The following PDGFD variants were observed in gnomAD, a reference collection of about 807,000 sequenced individuals.
PDGFD encodes platelet derived growth factor D.
A neutral mutation model predicts 44.7 loss-of-function variants in PDGFD; 30 were observed. The ratio of observed to expected loss-of-function variants is 0.67; its 90% confidence interval spans 0.50 to 0.91. The LOEUF (loss-of-function observed/expected upper bound fraction) is 0.91. Among genes scored for constraint, PDGFD ranks in the 40% least tolerant of loss-of-function variants. The pLI is 0.00. For synonymous variants in PDGFD, 173 were observed against 168.4 expected (o/e 1.03, Z -0.21); for missense variants, 445 against 457.8 (o/e 0.97, Z 0.25).
chr11:104,109,088 C>T (rs111762203), intron 1 of PDGFD, among the ~76,000 whole-genome samples: 14,566 of 149,548 alleles, frequency 0.097, 868 homozygotes, highest in East Asian at 0.3. Flanking sequence ...CATTAGGAGA[C>T]ATACCTAATG....
chr11:104,135,146 T>C (rs1007032840), intron 1 of PDGFD, among the ~76,000 whole-genome samples: 1 of 5,814 alleles, frequency 1.7e-4, no homozygotes, highest in Non-Finnish European at 3.0e-4. Flanking sequence ...GGTGTTAATA[T>C]AATAACATTT....
chr11:104,053,896 G>C (rs759737047), intron 1 of PDGFD, among the ~76,000 whole-genome samples: 10 of 152,200 alleles, frequency 6.6e-5, no homozygotes, highest in Admixed American at 2.0e-4. Context: ...CCACAAAACA[G>C]AGATAAGAGA....
At chr11:103,979,898 C>T (rs985097838) in intron 3 of PDGFD, among the ~76,000 whole-genome samples, 1 of 152,076 alleles carries the variant, frequency 6.6e-6, no homozygotes, top group Non-Finnish European at 1.5e-5. Context: ...ATTGTTTATT[C>T]TAACTAATTG....
intron 1 of PDGFD, among the ~76,000 whole-genome samples, chr11:104,093,028 C>A (rs1261168858): frequency 1.3e-5 from 2 of 152,162 alleles, no homozygotes; most frequent in African/African-American, 4.8e-5. Context: ...TTGCATGGTT[C>A]TTTTCCCACT....
At chr11:103,960,614 CTT>C in intron 3 of PDGFD, among the ~76,000 whole-genome samples, 1 of 152,176 alleles carries the variant, frequency 6.6e-6, no homozygotes, top group East Asian at 1.9e-4. Context: ...ATGTCCTACT[CTT>C]GTCATTCCTT....
chr11:104,071,817 G>A (rs1860882031), intron 1 of PDGFD, among the ~76,000 whole-genome samples: 1 of 151,252 alleles, frequency 6.6e-6, no homozygotes, highest in Admixed American at 6.6e-5. Context: ...ACTTTGTCCG[G>A]TGGTTTCAAC....
chr11:104,090,488 G>T (rs911490333), intron 1 of PDGFD, among the ~76,000 whole-genome samples: 1 of 151,592 alleles, frequency 6.6e-6, no homozygotes, highest in Non-Finnish European at 1.5e-5. Context: ...AATCAGCCAG[G>T]TGCGGTGGTG....
chr11:104,094,127 A>AATT (rs34614123), intron 1 of PDGFD, among the ~76,000 whole-genome samples: 115,910 of 151,334 alleles, frequency 0.77, 44,516 homozygotes, highest in East Asian at 0.98. Context: ...TTGCCTCTTA[A>AATT]ACCAGCCCTC....
chr11:104,134,833 AC>A (rs1448260706), intron 1 of PDGFD, among the ~76,000 whole-genome samples: 1 of 152,180 alleles, frequency 6.6e-6, no homozygotes, highest in Non-Finnish European at 1.5e-5. Context: ...CTCCTTTCTG[AC>A]TGCCTCTTCC....
chr11:104,044,826 C>G (rs1344255401), intron 1 of PDGFD, among the ~76,000 whole-genome samples: 8 of 152,130 alleles, frequency 5.3e-5, no homozygotes, highest in Non-Finnish European at 7.3e-5. Context: ...ATCACGAGGT[C>G]AGAAGATGGA....
At chr11:104,122,111 T>C (rs1472940439) in intron 1 of PDGFD, among the ~76,000 whole-genome samples, 1 of 151,944 alleles carries the variant, frequency 6.6e-6, no homozygotes, top group Admixed American at 6.6e-5. Context: ...CAAGAAATTA[T>C]TTTTTTCTAA....
chr11:104,118,630 A>G (rs1169196094), intron 1 of PDGFD, among the ~76,000 whole-genome samples: 2 of 148,830 alleles, frequency 1.3e-5, no homozygotes, highest in African/African-American at 5.0e-5. Flanking sequence ...GCAAGTGTCT[A>G]ATCATTGATA....
chr11:104,114,879 G>GTT (rs113492620), intron 1 of PDGFD, among the ~76,000 whole-genome samples: 1 of 142,328 alleles, frequency 7.0e-6, no homozygotes, highest in Non-Finnish European at 1.5e-5. Flanking sequence ...ACATTTTTAG[G>GTT]TTTTTTTTTT....
chr11:104,067,461 T>C (rs1242278702), intron 1 of PDGFD, among the ~76,000 whole-genome samples: 1 of 152,184 alleles, frequency 6.6e-6, no homozygotes, highest in Non-Finnish European at 1.5e-5. Context: ...ACTTCAAATT[T>C]GAAAATCTTT....
intron 4 of PDGFD, among the ~76,000 whole-genome samples, chr11:103,946,783 A>G (rs1164408209): frequency 3.9e-5 from 6 of 152,230 alleles, no homozygotes; most frequent in Admixed American, 2.0e-4. Context: ...TGATCAGATG[A>G]GGTTCTAGTC....
intron 3 of PDGFD, among the ~76,000 whole-genome samples, chr11:103,978,702 G>C (rs748681267): frequency 7.2e-5 from 11 of 151,994 alleles, no homozygotes; most frequent in Non-Finnish European, 1.5e-4. Flanking sequence ...TGTAGATTTG[G>C]CAAAATATAG....
Position 104,151,339 on chromosome 11 carries a change from G to A in PDGFD, c.124+12465C>T, listed in dbSNP as rs534971699. ...TTACACACGCATGCAAGCTGGATGC[G>A]TAAATAGTACAAAGTAGTAAAACAG... On this transcript the variant is annotated intron_variant, in intron 1 of 6. Coordinates refer to ENST00000393158, the MANE Select transcript of PDGFD (RefSeq NM_025208.5). 3.0e-4 allele frequency among the ~76,000 whole-genome samples: 46 copies of A among 152,128 alleles called. 1 individual carries two copies. The highest frequency in any genetic ancestry group is 1.2e-3 in the South Asian group (6 of 4,812).
intron 1 of PDGFD, among the ~76,000 whole-genome samples, chr11:104,133,693 G>A (rs752841301): frequency 7.2e-5 from 11 of 152,102 alleles, no homozygotes; most frequent in East Asian, 1.9e-4. Flanking sequence ...AGTCACTAAC[G>A]TTTACTGAAA....
intron 1 of PDGFD, among the ~76,000 whole-genome samples, chr11:104,103,227 A>C (rs943958574): frequency 1.3e-5 from 2 of 152,142 alleles, no homozygotes; most frequent in South Asian, 2.1e-4. Flanking sequence ...TTAATACGTG[A>C]AGTACTGAGG....
Sources: gnomAD v4.1 joint callset for allele counts (sites outside exome capture counted in the v4.1 genomes callset) on GRCh38, gnomAD v4.1.1 for gene constraint, MANE v1.5 for transcripts, NCBI Gene and HGNC (gene_info 2026-07-23, HGNC 2026-07-21) for gene names.